The following PPP1CB variants were observed in gnomAD, a reference collection of about 807,000 sequenced individuals.
PPP1CB encodes protein phosphatase 1 catalytic subunit beta, also known as serine/threonine-protein phosphatase PP1-beta catalytic subunit.
A neutral mutation model predicts 43.7 loss-of-function variants in PPP1CB; 2 were observed. The observed-to-expected ratio is 0.05, with a 90% CI of 0.02 to 0.14. The LOEUF is 0.14. PPP1CB is among the 10% of genes least tolerant of loss of function. The pLI is 1.00. For synonymous variants in PPP1CB, 136 were observed against 135.6 expected, an observed-to-expected ratio of 1.00 and a Z score of -0.02; for missense variants, 84 against 398.0, an observed-to-expected ratio of 0.21 and a Z score of 6.71.
chr2:28,774,913 A>G (rs1345101967), intron 1 of PPP1CB, among the ~76,000 whole-genome samples: 1 of 152,304 alleles, frequency 6.6e-6, no homozygotes, highest in South Asian at 2.1e-4. Context: ...AATTTCAGGG[A>G]TAGTCTTATA....
rs767756340 is a variant in PPP1CB, at chr2:28,776,846, G to A, written c.53-5G>A. On this transcript the variant is annotated splice_region_variant and splice_polypyrimidine_tract_variant and intron_variant, in intron 1 of 7. Transcript: ENST00000395366. ...AAACTGACTGTTTTATTTATCGTTT[G>A]TCAGTACGAGGATGTCGTCCAGGAA... 4 of 1,592,720 alleles carry A rather than the reference G, an allele frequency of 2.5e-6. No homozygotes were observed. In the East Asian group the frequency reaches 9.0e-5, roughly 36 times the overall value.
chr2:28,759,809 G>A (rs532043398), intron 1 of PPP1CB, among the ~76,000 whole-genome samples: 2 of 151,958 alleles, frequency 1.3e-5, no homozygotes, highest in Non-Finnish European at 2.9e-5. Flanking sequence ...AGTAGAGACG[G>A]GGTTTCACCG....
intron 5 of PPP1CB, among the ~76,000 whole-genome samples, chr2:28,788,212 C>T (rs1410453119): frequency 2.0e-5 from 3 of 152,074 alleles, no homozygotes; most frequent in Non-Finnish European, 2.9e-5. Flanking sequence ...TATTAAAAAG[C>T]TCTAGTCTGT....
intron 3 of PPP1CB, among the ~76,000 whole-genome samples, chr2:28,779,693 C>G (rs1284939449): frequency 6.6e-6 from 1 of 152,124 alleles, no homozygotes; most frequent in African/African-American, 2.4e-5. Context: ...CAATTATAAT[C>G]TTCAAATTGA....
chr2:28,767,094 A>G (rs1176807510), intron 1 of PPP1CB, among the ~76,000 whole-genome samples: 1 of 148,954 alleles, frequency 6.7e-6, no homozygotes, highest in Non-Finnish European at 1.5e-5. Flanking sequence ...AAAAAAAAAA[A>G]GTTTATTGTC....
At chr2:28,753,511 T>G (rs904376825) in intron 1 of PPP1CB, among the ~76,000 whole-genome samples, 1 of 152,214 alleles carries the variant, frequency 6.6e-6, no homozygotes, top group East Asian at 1.9e-4. Context: ...ATTTACCTTT[T>G]CCTTTACTAT....
intron 1 of PPP1CB, among the ~76,000 whole-genome samples, chr2:28,754,169 T>C (rs193127240): frequency 4.8e-3 from 725 of 152,338 alleles, no homozygotes; most frequent in Admixed American, 9.7e-3. Context: ...TTTAAAATGT[T>C]TGTATCCTTT....
chr2:28,770,252 G>A (rs1471695236), intron 1 of PPP1CB, among the ~76,000 whole-genome samples: 1 of 151,936 alleles, frequency 6.6e-6, no homozygotes, highest in Non-Finnish European at 1.5e-5. Flanking sequence ...GACAGAGTGA[G>A]ACTCCATCTC....
At chr2:28,764,219 G>A (rs1293973545) in intron 1 of PPP1CB, among the ~76,000 whole-genome samples, 1 of 151,948 alleles carries the variant, frequency 6.6e-6, no homozygotes, top group African/African-American at 2.4e-5. Flanking sequence ...CCAGCACTTT[G>A]GGAGGCCGAG....
At chr2:28,777,022 CAT>C in intron 2 of PPP1CB, 40 bp downstream of exon 2, 1 of 1,586,520 alleles carries the variant, frequency 6.3e-7, no homozygotes, top group Non-Finnish European at 8.6e-7. Flanking sequence ...TCTTTTGAAT[CAT>C]GTTTTTCCTC....
At chr2:28,773,954 G>C (rs2148046892) in intron 1 of PPP1CB, among the ~76,000 whole-genome samples, 1 of 152,292 alleles carries the variant, frequency 6.6e-6, no homozygotes, top group African/African-American at 2.4e-5. Context: ...TTAATTGCAA[G>C]AGTCTCACAA....
chr2:28,793,486 C>T (rs1243716016), intron 6 of PPP1CB, among the ~76,000 whole-genome samples: 25 of 151,986 alleles, frequency 1.6e-4, no homozygotes, highest in Admixed American at 1.6e-3. Flanking sequence ...CTGAAAAACA[C>T]GTAGATTAAT....
At chr2:28,770,692 C>G (rs1359187192) in intron 1 of PPP1CB, among the ~76,000 whole-genome samples, 1 of 152,066 alleles carries the variant, frequency 6.6e-6, no homozygotes, top group Admixed American at 6.6e-5. Flanking sequence ...AGGAAAAAAT[C>G]AGCGAGGATA....
chr2:28,781,710 T>A (rs747100017), intron 3 of PPP1CB, 28 bp from the exon 4 acceptor site: 18 of 1,478,666 alleles, frequency 1.2e-5, no homozygotes, highest in African/African-American at 8.5e-5. Context: ...TTAGATTTTT[T>A]AATTTATTCT....
rs576818322 is a variant in PPP1CB at position 28,788,236 on chromosome 2, A to G, written c.593-422A>G. 5.7e-4 allele frequency among the ~76,000 whole-genome samples: 87 copies of G among 151,416 alleles called. 1 individual carries two copies. The highest frequency in any genetic ancestry group is 1.0e-3 in the Non-Finnish European group (70 of 67,816). On this transcript the variant is annotated intron_variant, in intron 5 of 7. Transcript: ENST00000395366. ...GCTCTAGTCTGTTATTGGCTCAGGGATAAGTAAAATAGACTAACAGAATAG... is the reference window on the plus strand; with the variant it reads ...GCTCTAGTCTGTTATTGGCTCAGGGGTAAGTAAAATAGACTAACAGAATAG...
chr2:28,778,274 G>A (rs1481424125), intron 2 of PPP1CB: 6 of 446,706 alleles, frequency 1.3e-5, no homozygotes, highest in Admixed American at 2.5e-5. Context: ...GTTACCTATT[G>A]TTGTATAATA....
chr2:28,755,772 A>G (rs1290766401), intron 1 of PPP1CB, among the ~76,000 whole-genome samples: 1 of 152,204 alleles, frequency 6.6e-6, no homozygotes, highest in African/African-American at 2.4e-5. Flanking sequence ...TAGTATGGAA[A>G]ACTGCTGCTG....
Position 28,799,360 on chromosome 2 carries a change from A to T in PPP1CB, c.*57A>T. On this transcript the variant is annotated 3_prime_UTR_variant, in exon 8 of 8. Coordinates refer to ENST00000395366, the MANE Select transcript of PPP1CB (RefSeq NM_002709.3). The stretch of plus-strand genomic sequence containing the variant: ...TTGTTAAGGACATACTTCATAATAT[A>T]TAAGTGTGCACTGTAAAACCATCCA... 9 of 1,378,168 alleles carry T rather than the reference A, an allele frequency of 6.5e-6. No homozygotes were observed. Among genetic ancestry groups the T allele is most frequent in the Non-Finnish European group, 9.3e-6 (9 of 970,374 alleles). The allele number at this position is 1,378,168 out of a possible 1,614,324, so 85.4% of individuals were successfully genotyped here. A position where few individuals can be genotyped will look rare whatever the true frequency, so the allele number is the denominator to read the frequency against.
At chr2:28,752,707 C>A (rs1478672058) in intron 1 of PPP1CB, among the ~76,000 whole-genome samples, 1 of 152,186 alleles carries the variant, frequency 6.6e-6, no homozygotes, top group East Asian at 1.9e-4. Flanking sequence ...TTACACAATG[C>A]TATATAGAAT....
Sources: gnomAD v4.1 joint callset for allele counts (sites outside exome capture counted in the v4.1 genomes callset) on GRCh38, gnomAD v4.1.1 for gene constraint, MANE v1.5 for transcripts, NCBI Gene and HGNC (gene_info 2026-07-23, HGNC 2026-07-21) for gene names.